Variants in KIF13A observed in about 807,000 individuals in gnomAD.
KIF13A encodes the protein kinesin family member 13A, also known as kinesin-like protein KIF13A.
Under a neutral mutation model 212.2 loss-of-function variants are expected in KIF13A, and 79 were observed. That is an observed-to-expected ratio of 0.37 (90% CI 0.31 to 0.45). The LOEUF is 0.45. Among genes scored for constraint, KIF13A ranks in the 20% least tolerant of loss-of-function variants. The pLI, the probability that KIF13A is intolerant of heterozygous loss-of-function variation, is 1.00. For synonymous variants in KIF13A, 789 were observed against 808.6 expected (o/e 0.98, Z 0.41); for missense variants, 1,901 against 2,209.0 (o/e 0.86, Z 2.79).
rs190788631 is a variant in KIF13A, at chr6:17,775,123, T to A, written c.4171-61A>T. The A allele has an allele frequency of 6.3e-4, 843 of 1,334,972 alleles. 9 individuals are homozygous for A. In the African/African-American group the frequency reaches 0.01, roughly 16 times the overall value. 82.7% of individuals were successfully genotyped at this position (1,334,972 alleles called of 1,614,324 possible). A position where few individuals can be genotyped will look rare whatever the true frequency, so the allele number is the denominator to read the frequency against. ...TATATTTAATATAAGGGGTTTTTTTTATATAAAGAAACAGAATGTCACAGT... is the reference window on the plus strand; with the variant it reads ...TATATTTAATATAAGGGGTTTTTTTAATATAAAGAAACAGAATGTCACAGT... On this transcript the variant is annotated intron_variant, in intron 34 of 38. Transcript: ENST00000259711.
Position 17,789,549 on chromosome 6 carries a change from A to C in KIF13A, c.3261+323T>G, listed in dbSNP as rs574776345. On this transcript the variant is annotated intron_variant, in intron 26 of 38. Transcript: ENST00000259711. This position sits in a 1 kb window ranked among gnomAD's most constrained non-coding sequence, Gnocchi z 4.8. ...TTAATTAATTAGTTAATTAATTTGC[A>C]GGAGACAGGAGTTTTATTATTACTC... 2.6e-5 allele frequency among the ~76,000 whole-genome samples: 4 copies of C among 152,324 alleles called. No individual in the cohort carries two copies. The highest frequency in any genetic ancestry group is 9.6e-5 in the African/African-American group (4 of 41,580).
rs1777850626 is a variant in KIF13A at position 17,951,574 on chromosome 6, AC to A, written c.146+35479del. The A allele has an allele frequency of 4.9e-6, 2 of 412,304 alleles. No homozygotes were observed. The highest frequency in any genetic ancestry group is 8.6e-6 in the Non-Finnish European group (2 of 232,654). 25.5% of individuals were successfully genotyped at this position (412,304 alleles called of 1,614,324 possible). On this transcript the variant is annotated intron_variant, in intron 2 of 38. Coordinates refer to ENST00000259711, the MANE Select transcript of KIF13A (RefSeq NM_022113.6). This position sits in a 1 kb window ranked among gnomAD's most constrained non-coding sequence, Gnocchi z 4.9. ...ACCACAACTGCAGAACATTCTCAAT[AC>A]CCCCCTCAAAAAATGCCATATCCAT...
intron 2 of KIF13A, among the ~76,000 whole-genome samples, chr6:17,910,266 A>G (rs1273001254): frequency 3.3e-5 from 5 of 152,274 alleles, no homozygotes. Flanking sequence ...GCTAGAGAAC[A>G]TAGAAGTACT....
chr6:17,764,950 T>A lies in KIF13A; in HGVS notation c.4582-4A>T. 6.3e-7 allele frequency: 1 copy of A among 1,590,588 alleles called. No individual in the cohort carries two copies. The highest frequency in any genetic ancestry group is 8.6e-7 in the Non-Finnish European group (1 of 1,168,520). ...CATTTTCTTCCTCCTCAGAGTCCTATAGAAGTGAAGCAAAAGTCAGTCATT... is the reference window on the plus strand; with the variant it reads ...CATTTTCTTCCTCCTCAGAGTCCTAAAGAAGTGAAGCAAAAGTCAGTCATT... On this transcript the variant is annotated splice_region_variant and splice_polypyrimidine_tract_variant and intron_variant, in intron 38 of 38. Coordinates refer to ENST00000259711, the MANE Select transcript of KIF13A (RefSeq NM_022113.6). The surrounding 1 kb of genome is among the most constrained non-coding windows in gnomAD (Gnocchi z 5.1).
At chr6:17,859,405 C>G (rs1382047865) in intron 4 of KIF13A, among the ~76,000 whole-genome samples, 1 of 151,212 alleles carries the variant, frequency 6.6e-6, no homozygotes, top group East Asian at 1.9e-4. Context: ...GAGTTCAAGA[C>G]CAGCCTGGCC....
At chr6:17,866,878 TACAC>T (rs200845112) in intron 4 of KIF13A, among the ~76,000 whole-genome samples, 2 of 121,898 alleles carry the variant, frequency 1.6e-5, no homozygotes, top group African/African-American at 5.9e-5. Context: ...TATATATATT[TACAC>T]ACACACATAT....
intron 2 of KIF13A, among the ~76,000 whole-genome samples, chr6:17,908,068 G>A (rs918495645): frequency 3.9e-5 from 6 of 152,110 alleles, no homozygotes; most frequent in African/African-American, 1.4e-4. Flanking sequence ...CAAAAAGTAG[G>A]ACAGAAAGAC....
chr6:17,767,311 A>G (rs1270706170), intron 38 of KIF13A, among the ~76,000 whole-genome samples: 2 of 151,748 alleles, frequency 1.3e-5, no homozygotes, highest in African/African-American at 2.4e-5. Flanking sequence ...CTGGAGTGCA[A>G]TGGCGCGATC....
At chr6:17,985,505 G>A (rs906053266) in intron 2 of KIF13A, among the ~76,000 whole-genome samples, 2 of 152,030 alleles carry the variant, frequency 1.3e-5, no homozygotes, top group African/African-American at 4.8e-5. Flanking sequence ...AGGAGCAGGT[G>A]CCAAGCCAGC....
intron 4 of KIF13A, among the ~76,000 whole-genome samples, chr6:17,868,821 T>C (rs1444052985): frequency 6.6e-6 from 1 of 151,010 alleles, no homozygotes; most frequent in East Asian, 1.9e-4. Context: ...GGTGAAACCC[T>C]GTCTCTACTA....
intron 2 of KIF13A, among the ~76,000 whole-genome samples, chr6:17,922,123 C>A (rs1286956489): frequency 4.6e-5 from 7 of 152,074 alleles, no homozygotes; most frequent in Admixed American, 4.6e-4. Context: ...GAGGGCTCAT[C>A]GACAAGATCC....
At chr6:17,844,298 A>G (rs1272043695) in intron 9 of KIF13A, among the ~76,000 whole-genome samples, 1 of 152,220 alleles carries the variant, frequency 6.6e-6, no homozygotes, top group Non-Finnish European at 1.5e-5. Context: ...GTTAATGCCA[A>G]TCATTAAACT....
chr6:17,816,968 G>C lies in KIF13A; in HGVS notation c.2000+52C>G. 6.7e-7 allele frequency: 1 copy of C among 1,483,206 alleles called. No individual in the cohort carries two copies. Among genetic ancestry groups the C allele is most frequent in the Non-Finnish European group, 9.1e-7 (1 of 1,094,204 alleles). 91.9% of individuals were successfully genotyped at this position (1,483,206 alleles called of 1,614,324 possible). A position where few individuals can be genotyped will look rare whatever the true frequency, so the allele number is the denominator to read the frequency against. ...ATGTCTCAAAAACCCCTCCCTCAAA[G>C]ACCCACGGCCTTGGGGCCTTGACTC... On this transcript the variant is annotated intron_variant, in intron 17 of 38. Transcript: ENST00000259711. This position sits in a 1 kb window ranked among gnomAD's most constrained non-coding sequence, Gnocchi z 4.3.
At chr6:17,822,036 A>C in intron 16 of KIF13A, 2 of 832,710 alleles carry the variant, frequency 2.4e-6, no homozygotes, top group East Asian at 3.0e-5. Context: ...AGGGGGAAAC[A>C]TAACTTCTTT....
chr6:17,943,321 C>A (rs761225207), intron 2 of KIF13A, among the ~76,000 whole-genome samples: 36 of 151,676 alleles, frequency 2.4e-4, no homozygotes, highest in Admixed American at 1.3e-4. Flanking sequence ...GTGTTTAATT[C>A]GATGGCAGTA....
downstream of KIF13A, chr6:17,759,406 C>T (rs1412395736): frequency 6.6e-6 from 1 of 152,160 alleles, no homozygotes; most frequent in East Asian, 1.9e-4. Context: ...GCTCACTATA[C>T]ACACAAATCA....
In KIF13A at chr6:17,794,550, A is replaced by G; in HGVS notation, c.3075+22T>C. On this transcript the variant is annotated intron_variant, in intron 24 of 38. Coordinates refer to ENST00000259711, the MANE Select transcript of KIF13A (RefSeq NM_022113.6). The surrounding 1 kb of genome is among the most constrained non-coding windows in gnomAD (Gnocchi z 4.1). ...GGAACAGAGAGAAAACATTAAAAAA[A>G]AACCCAAAACAAACTCAGTACCTGT... 1 of 1,584,800 alleles carries G rather than the reference A, an allele frequency of 6.3e-7. No individual in the cohort carries two copies. The highest frequency in any genetic ancestry group is 8.5e-7 in the Non-Finnish European group (1 of 1,171,202).
intron 3 of KIF13A, among the ~76,000 whole-genome samples, chr6:17,884,435 G>A (rs75598965): frequency 0.05 from 7,568 of 152,248 alleles, 476 homozygotes; most frequent in African/African-American, 0.14. Flanking sequence ...CACCAAGCTG[G>A]AAGGTTTTCT....
rs1435637448 is a variant in KIF13A, at chr6:17,963,714, G to A, written c.146+23340C>T. On this transcript the variant is annotated intron_variant, in intron 2 of 38. Transcript: ENST00000259711. The surrounding 1 kb of genome is among the most constrained non-coding windows in gnomAD (Gnocchi z 4.1). ...TGGGATTACAGGCACGCGCCACCACGCCCTGCTAATTTTTGCATTTTTAGT... is the reference window on the plus strand; with the variant it reads ...TGGGATTACAGGCACGCGCCACCACACCCTGCTAATTTTTGCATTTTTAGT... Among the ~76,000 whole-genome samples the A allele has an allele frequency of 1.3e-5, 2 of 152,014 alleles. No homozygotes were observed. Among genetic ancestry groups the A allele is most frequent in the South Asian group, 2.1e-4 (1 of 4,832 alleles).
Sources: allele counts gnomAD v4.1 joint callset (sites outside exome capture counted in the v4.1 genomes callset), GRCh38; gene constraint gnomAD v4.1.1; non-coding constraint Gnocchi (gnomAD v3.1); transcripts MANE v1.5; gene names NCBI Gene and HGNC (gene_info 2026-07-23, HGNC 2026-07-21).